The following CHIC1 variants were observed in gnomAD, a reference collection of about 807,000 sequenced individuals.
CHIC1 encodes the protein cysteine rich hydrophobic domain 1, also known as cysteine-rich hydrophobic domain-containing protein 1.
Under a neutral mutation model 18.5 loss-of-function variants are expected in CHIC1, and 7 were observed. The observed-to-expected ratio is 0.38, with a 90% CI of 0.22 to 0.71. The LOEUF (loss-of-function observed/expected upper bound fraction) is 0.71, where lower values mean the gene tolerates loss of function less well. Ranked by LOEUF, CHIC1 falls within the 30% of genes least tolerant of loss-of-function variation. The pLI, the probability that CHIC1 is intolerant of heterozygous loss-of-function variation, is 0.49. For synonymous variants in CHIC1, 77 were observed against 73.5 expected (o/e 1.05, Z -0.25); for missense variants, 159 against 176.9 (o/e 0.90, Z 0.57).
chrX:73,580,308 C>A (rs760209392), intron 2 of CHIC1, among the ~76,000 whole-genome samples: 2 of 110,769 alleles, frequency 1.8e-5, no homozygotes, highest in South Asian at 7.5e-4. Context: ...TATATCCATT[C>A]TTTTCAAGTG....
chrX:73,630,217 T>C (rs2057801047), intron 3 of CHIC1, among the ~76,000 whole-genome samples: 1 of 111,633 alleles, frequency 9.0e-6, no homozygotes, highest in African/African-American at 3.3e-5. Context: ...TTTACTTCTT[T>C]TAGATTTTGT....
intron 3 of CHIC1, among the ~76,000 whole-genome samples, chrX:73,672,103 A>G (rs772115777): frequency 9.0e-6 from 1 of 111,529 alleles, no homozygotes; most frequent in Admixed American, 9.5e-5. Flanking sequence ...TGAACTCATC[A>G]TTTTTTATGG....
chrX:73,636,976 G>A (rs1468376368), intron 3 of CHIC1, among the ~76,000 whole-genome samples: 4 of 111,553 alleles, frequency 3.6e-5, no homozygotes, highest in African/African-American at 9.8e-5. Context: ...GTGTGCATGT[G>A]TTTACCTTTA....
At chrX:73,626,769 A>G (rs1361406701) in intron 3 of CHIC1, among the ~76,000 whole-genome samples, 2 of 111,019 alleles carry the variant, frequency 1.8e-5, no homozygotes, top group Non-Finnish European at 3.8e-5. Context: ...GAAGGATCAC[A>G]TTTCTCTGTT....
Position 73,643,363 on chromosome X carries a change from G to T in CHIC1, c.508-35963G>T, listed in dbSNP as rs768181520. Among the ~76,000 whole-genome samples, 15 of 108,789 alleles carry T rather than the reference G, an allele frequency of 1.4e-4. No homozygotes were observed. In the South Asian group the frequency reaches 6.2e-3, roughly 45 times the overall value. The allele number at this position is 108,789 out of a possible 115,157, so 94.5% of individuals were successfully genotyped here. Reference sequence around the variant, plus strand: ...TACGTGTCTTGGAGTTGCTCTTCTCGAGGAGTATCTTTGTGGTGTTCTCTG... The same window carrying T: ...TACGTGTCTTGGAGTTGCTCTTCTCTAGGAGTATCTTTGTGGTGTTCTCTG... On this transcript the variant is annotated intron_variant, in intron 3 of 5. Transcript: ENST00000373502.
chrX:73,673,544 CTGTT>C (rs910001183), intron 3 of CHIC1, among the ~76,000 whole-genome samples: 3 of 111,654 alleles, frequency 2.7e-5, no homozygotes, highest in African/African-American at 3.3e-5. Flanking sequence ...ATTTGGCTCT[CTGTT>C]TGTCTATTAT....
upstream of CHIC1, chrX:73,563,178 C>A (rs2057424059): frequency 5.1e-5 from 39 of 768,254 alleles, no homozygotes; most frequent in Non-Finnish European, 6.0e-5. Context: ...CAAATCCTGT[C>A]CCTACACCCC....
Position 73,637,254 on chromosome X carries a change from ATCC to A in CHIC1, c.508-42071_508-42069del, listed in dbSNP as rs2057835259. The stretch of plus-strand genomic sequence containing the variant: ...GAAATCAGCAAAAATCTTGCTGAGG[ATCC>A]CTTGTATATGACAAGTTACTTCTCT... On this transcript the variant is annotated intron_variant, in intron 3 of 5. Transcript: ENST00000373502. Among the ~76,000 whole-genome samples, 3 of 108,528 alleles carry A rather than the reference ATCC, an allele frequency of 2.8e-5. No homozygotes were observed. The Admixed American group carries it at 2.9e-4, about 11-fold the overall frequency. 94.2% of individuals were successfully genotyped at this position (108,528 alleles called of 115,157 possible). A position where few individuals can be genotyped will look rare whatever the true frequency, so the allele number is the denominator to read the frequency against.
intron 3 of CHIC1, among the ~76,000 whole-genome samples, chrX:73,592,667 T>A (rs2057587628): frequency 1.8e-5 from 2 of 110,658 alleles, no homozygotes; most frequent in South Asian, 7.6e-4. Flanking sequence ...GAAGTTTTTT[T>A]TTCATTGTGT....
intron 3 of CHIC1, among the ~76,000 whole-genome samples, chrX:73,643,683 T>C (rs1366256403): frequency 8.9e-6 from 1 of 112,403 alleles, no homozygotes; most frequent in Non-Finnish European, 1.9e-5. Flanking sequence ...TTCTGCATTC[T>C]TCATGTAGTT....
chrX:73,604,232 G>C (rs1355950670), intron 3 of CHIC1, among the ~76,000 whole-genome samples: 1 of 103,551 alleles, frequency 9.7e-6, no homozygotes, highest in African/African-American at 3.8e-5. Flanking sequence ...TTTAGTCTTG[G>C]GGGCAGGGGG....
intron 3 of CHIC1, among the ~76,000 whole-genome samples, chrX:73,673,590 A>T (rs923968052): frequency 1.7e-4 from 19 of 111,889 alleles, no homozygotes; most frequent in Non-Finnish European, 3.6e-4. Flanking sequence ...ATTTTTGTAC[A>T]TTGATTTTGT....
intron 3 of CHIC1, among the ~76,000 whole-genome samples, chrX:73,643,058 G>A (rs1186016456): frequency 9.0e-6 from 1 of 111,642 alleles, no homozygotes; most frequent in Non-Finnish European, 1.9e-5. Flanking sequence ...TTTAGGGCAG[G>A]CCTGGTGGTG....
At chrX:73,589,880 G>A (rs2057572830) in intron 3 of CHIC1, among the ~76,000 whole-genome samples, 1 of 110,931 alleles carries the variant, frequency 9.0e-6, no homozygotes, top group Non-Finnish European at 1.9e-5. Context: ...TTGGTTGACA[G>A]TTTGCTTGTT....
chrX:73,627,137 C>CAA (rs759306668), intron 3 of CHIC1, among the ~76,000 whole-genome samples: 7,630 of 56,646 alleles, frequency 0.13, 471 homozygotes, highest in African/African-American at 0.23. Context: ...TAAGTTCTCC[C>CAA]AAAAAAAAAA....
intron 3 of CHIC1, among the ~76,000 whole-genome samples, chrX:73,602,929 T>C (rs2057659238): frequency 9.2e-6 from 1 of 109,115 alleles, no homozygotes; most frequent in Non-Finnish European, 1.9e-5. Context: ...CCTTGTAGTA[T>C]AATTCGAAGT....
In CHIC1 at chrX:73,668,933, C is replaced by G. The variant is rs2058017218; in HGVS notation, c.508-10393C>G. Among the ~76,000 whole-genome samples the G allele has an allele frequency of 3.5e-5, 4 of 112,762 alleles. No homozygotes were observed. In the Admixed American group the frequency reaches 3.7e-4, roughly 11 times the overall value. ...GTTTGGGCTTTTCAAGGCCCACAGG[C>G]TAGACCAGCTGATAAGCCCAAACAG... On this transcript the variant is annotated intron_variant, in intron 3 of 5. Coordinates refer to ENST00000373502, the MANE Select transcript of CHIC1 (RefSeq NM_001039840.4).
At chrX:73,608,899 C>A (rs2057694983) in intron 3 of CHIC1, among the ~76,000 whole-genome samples, 1 of 107,536 alleles carries the variant, frequency 9.3e-6, no homozygotes, top group African/African-American at 3.6e-5. Flanking sequence ...TGCCTGTAAT[C>A]CCAGCACTTT....
At chrX:73,615,729 G>A (rs906309667) in intron 3 of CHIC1, among the ~76,000 whole-genome samples, 4 of 111,452 alleles carry the variant, frequency 3.6e-5, no homozygotes, top group Admixed American at 9.5e-5. Flanking sequence ...GTGTGCAAGT[G>A]CTTGGTTTGG....
Sources: allele counts gnomAD v4.1 joint callset (sites outside exome capture counted in the v4.1 genomes callset), GRCh38; gene constraint gnomAD v4.1.1; transcripts MANE v1.5; gene names NCBI Gene and HGNC (gene_info 2026-07-23, HGNC 2026-07-21).